TMEM74: variants seen among roughly 807,000 people sequenced by gnomAD.
TMEM74 encodes transmembrane protein 74.
Under a neutral mutation model 18.1 loss-of-function variants are expected in TMEM74, and 13 were observed. The observed-to-expected ratio is 0.72, with a 90% CI of 0.47 to 1.14. The LOEUF (loss-of-function observed/expected upper bound fraction) is 1.14. TMEM74 is among the 50% of genes most tolerant of loss of function. The probability of loss-of-function intolerance (pLI) is 0.00; values close to 1 mark genes in which losing one functional copy is unlikely to be tolerated. For synonymous variants in TMEM74, 159 were observed against 146.6 expected, an observed-to-expected ratio of 1.08 and a Z score of -0.61; for missense variants, 372 against 375.9, an observed-to-expected ratio of 0.99 and a Z score of 0.09.
chr8:108,759,651 T>C (rs1475532523), intron 1 of TMEM74, among the ~76,000 whole-genome samples: 1 of 152,130 alleles, frequency 6.6e-6, no homozygotes, highest in Non-Finnish European at 1.5e-5. Flanking sequence ...TGTGGTCTCA[T>C]TGGTGTAAGA....
chr8:108,687,912 C>A (rs1280920385), intron 1 of TMEM74, among the ~76,000 whole-genome samples: 1 of 152,002 alleles, frequency 6.6e-6, no homozygotes, highest in African/African-American at 2.4e-5. Context: ...CCGTCCATAG[C>A]CTGGGGGTTA....
intron 1 of TMEM74, among the ~76,000 whole-genome samples, chr8:108,718,984 G>T (rs898200238): frequency 4.7e-5 from 7 of 147,456 alleles, no homozygotes; most frequent in Non-Finnish European, 9.0e-5. Context: ...ATATATATAC[G>T]TATATATACG....
chr8:108,611,463 T>C (rs942399426), intron 2 of TMEM74, among the ~76,000 whole-genome samples: 1 of 152,206 alleles, frequency 6.6e-6, no homozygotes, highest in African/African-American at 2.4e-5. Context: ...ATAGTTAGTA[T>C]TTCATATTAT....
intron 2 of TMEM74, among the ~76,000 whole-genome samples, chr8:108,649,349 G>T (rs1812750447): frequency 6.6e-6 from 1 of 152,086 alleles, no homozygotes; most frequent in South Asian, 2.1e-4. Context: ...ATAAATGCCA[G>T]CAGAATTGAA....
At chr8:108,613,666 T>A (rs1210290250) in intron 2 of TMEM74, among the ~76,000 whole-genome samples, 2 of 152,216 alleles carry the variant, frequency 1.3e-5, no homozygotes, top group East Asian at 3.8e-4. Flanking sequence ...GAAGTTTGCA[T>A]TTTGTCCACC....
chr8:108,693,169 C>CTACA (rs1160062168), intron 1 of TMEM74, among the ~76,000 whole-genome samples: 1 of 152,066 alleles, frequency 6.6e-6, no homozygotes, highest in African/African-American at 2.4e-5. Flanking sequence ...TACACATAAG[C>CTACA]CGGTATGGCT....
chr8:108,683,653 A>G (rs981771947), intron 1 of TMEM74, among the ~76,000 whole-genome samples: 3 of 152,008 alleles, frequency 2.0e-5, no homozygotes, highest in Non-Finnish European at 2.9e-5. Context: ...CGATACATGT[A>G]ATGTATAGTG....
intron 1 of TMEM74, among the ~76,000 whole-genome samples, chr8:108,678,789 C>T (rs1466016245): frequency 6.6e-6 from 1 of 150,504 alleles, no homozygotes; most frequent in African/African-American, 2.4e-5. Context: ...GGTACACATG[C>T]ACAATGTGCA....
chr8:108,628,580 C>T (rs1416376221), intron 2 of TMEM74, among the ~76,000 whole-genome samples: 4 of 151,962 alleles, frequency 2.6e-5, no homozygotes, highest in African/African-American at 9.7e-5. Flanking sequence ...GTAAATAGTG[C>T]TGCAATAAAC....
chr8:108,708,150 G>A (rs1382046065), intron 1 of TMEM74, among the ~76,000 whole-genome samples: 2 of 152,094 alleles, frequency 1.3e-5, no homozygotes, highest in Non-Finnish European at 2.9e-5. Context: ...TCCTGTGTTA[G>A]GTCGCTTAGG....
chr8:108,687,033 C>T (rs531137574), intron 1 of TMEM74, among the ~76,000 whole-genome samples: 11 of 151,944 alleles, frequency 7.2e-5, no homozygotes, highest in Non-Finnish European at 1.3e-4. Context: ...TTAAATATTT[C>T]GATCCTAAAT....
intron 2 of TMEM74, among the ~76,000 whole-genome samples, chr8:108,623,535 T>C (rs1812463341): frequency 6.6e-6 from 1 of 152,120 alleles, no homozygotes; most frequent in Non-Finnish European, 1.5e-5. Context: ...TTTGTGTTAA[T>C]ATTTACACTT....
At chr8:108,763,552 T>G (rs1267928328) in intron 1 of TMEM74, among the ~76,000 whole-genome samples, 1 of 152,168 alleles carries the variant, frequency 6.6e-6, no homozygotes, top group Non-Finnish European at 1.5e-5. Flanking sequence ...TATTTGGGAA[T>G]GACCATGAAT....
intron 1 of TMEM74, among the ~76,000 whole-genome samples, chr8:108,741,876 G>A (rs1008777074): frequency 6.6e-6 from 1 of 152,054 alleles, no homozygotes; most frequent in African/African-American, 2.4e-5. Context: ...ATTCACAATA[G>A]CAAACACATG....
chr8:108,677,853 A>G (rs894138561), intron 1 of TMEM74, among the ~76,000 whole-genome samples: 7 of 152,190 alleles, frequency 4.6e-5, no homozygotes, highest in African/African-American at 1.7e-4. Context: ...CCTTTTAAAT[A>G]AGACTTGCAT....
At chr8:108,676,615 T>C (rs915502419) in intron 1 of TMEM74, among the ~76,000 whole-genome samples, 1 of 152,214 alleles carries the variant, frequency 6.6e-6, no homozygotes, top group South Asian at 2.1e-4. Flanking sequence ...TCAATTAATA[T>C]TTTTCACCCT....
At chr8:108,725,429 C>T (rs1203616180) in intron 1 of TMEM74, among the ~76,000 whole-genome samples, 1 of 152,076 alleles carries the variant, frequency 6.6e-6, no homozygotes, top group Admixed American at 6.6e-5. Context: ...GTAAATACAC[C>T]ACAGGAAACA....
In TMEM74 at chr8:108,680,677, G is replaced by A. The variant is rs1169780289; in HGVS notation, n.120-25240C>T. On this transcript the variant is annotated intron_variant and non_coding_transcript_variant, in intron 1 of 3. Coordinates refer to the TMEM74 transcript ENST00000518838. ...GAAGTTCTGGCCAGGGCAATTAGGC[G>A]GGAGAAGGAAATAAAGGGTATTCAA... Among the ~76,000 whole-genome samples the A allele has an allele frequency of 2.0e-4, 31 of 152,154 alleles. No homozygotes were observed. In the East Asian group the frequency reaches 3.7e-3, roughly 18 times the overall value.
chr8:108,753,961 G>C (rs1813930316), intron 1 of TMEM74, among the ~76,000 whole-genome samples: 1 of 151,992 alleles, frequency 6.6e-6, no homozygotes, highest in African/African-American at 2.4e-5. Flanking sequence ...AAATTACCTG[G>C]AGTGTTTGTT....
Sources: allele counts gnomAD v4.1 joint callset (sites outside exome capture counted in the v4.1 genomes callset), GRCh38; gene constraint gnomAD v4.1.1; transcripts MANE v1.5; gene names NCBI Gene and HGNC (gene_info 2026-07-23, HGNC 2026-07-21).